Variants in MINK1 observed in about 807,000 individuals in gnomAD.
MINK1 encodes misshapen like kinase 1, also known as misshapen-like kinase 1.
MINK1 carries 46 observed loss-of-function variants against 178.4 expected under a neutral mutation model. That is an observed-to-expected ratio of 0.26 (90% CI 0.20 to 0.33). The LOEUF (loss-of-function observed/expected upper bound fraction) is 0.33. MINK1 is among the 10% of genes least tolerant of loss of function. MINK1 has a pLI of 1.00. For synonymous variants in MINK1, 797 were observed against 709.7 expected, an observed-to-expected ratio of 1.12 and a Z score of -1.96; for missense variants, 1,366 against 1,814.9, an observed-to-expected ratio of 0.75 and a Z score of 4.49.
intron 21 of MINK1, 147 bp from the exon 22 acceptor site, chr17:4,893,841 C>CGGTGGAGCAGGGGCTACACCGTGAG: frequency 1.2e-6 from 1 of 862,932 alleles, no homozygotes; most frequent in Non-Finnish European, 1.7e-6. Context: ...AAGCACCTCA[C>CGGTGGAGCAGGGGCTACACCGTGAG]GGTGGAGCAG....
chr17:4,857,677 C>T (rs529737811), intron 1 of MINK1, among the ~76,000 whole-genome samples: 4 of 151,654 alleles, frequency 2.6e-5, no homozygotes, highest in Non-Finnish European at 5.9e-5. Flanking sequence ...CATGTTGCCC[C>T]GTATGGTCTC....
chr17:4,837,056 G>A (rs1351900525), intron 1 of MINK1, among the ~76,000 whole-genome samples: 5 of 152,002 alleles, frequency 3.3e-5, no homozygotes, highest in East Asian at 1.9e-4. Context: ...GCATGGTGGC[G>A]CACACCTGTA....
Position 4,895,974 on chromosome 17 carries a change from T to C in MINK1, c.3365-29T>C. 6.4e-7 allele frequency: 1 copy of C among 1,574,690 alleles called. No individual in the cohort carries two copies. The highest frequency in any genetic ancestry group is 8.6e-7 in the Non-Finnish European group (1 of 1,160,082). On this transcript the variant is annotated intron_variant, in intron 27 of 31. Coordinates refer to ENST00000355280, the MANE Select transcript of MINK1 (RefSeq NM_153827.5). The surrounding 1 kb of genome is among the most constrained non-coding windows in gnomAD (Gnocchi z 4.3). ...CGCCCGTGGCGCAAGAAGGGAAGTCTCAGCATCCCTCTTCTCTCCCGCCCC... is the reference window on the plus strand; with the variant it reads ...CGCCCGTGGCGCAAGAAGGGAAGTCCCAGCATCCCTCTTCTCTCCCGCCCC...
At chr17:4,840,702 A>G (rs1268384202) in intron 1 of MINK1, among the ~76,000 whole-genome samples, 1 of 152,216 alleles carries the variant, frequency 6.6e-6, no homozygotes, top group Non-Finnish European at 1.5e-5. Context: ...GATAGTGTAT[A>G]TAAATAGACA....
intron 1 of MINK1, among the ~76,000 whole-genome samples, chr17:4,849,481 G>A (rs951530897): frequency 6.6e-6 from 1 of 152,162 alleles, no homozygotes; most frequent in African/African-American, 2.4e-5. Context: ...TGCCTTGCCT[G>A]GAGATTTGAG....
At chr17:4,874,538 A>G (rs1230725304) in intron 1 of MINK1, among the ~76,000 whole-genome samples, 1 of 152,102 alleles carries the variant, frequency 6.6e-6, no homozygotes, top group Non-Finnish European at 1.5e-5. Context: ...AGGAGGGAGG[A>G]CATGAGGGAT....
chr17:4,886,064 G>A lies in MINK1; in HGVS notation c.695-56G>A. On this transcript the variant is annotated intron_variant, in intron 8 of 31. Coordinates refer to ENST00000355280, the MANE Select transcript of MINK1 (RefSeq NM_153827.5). The surrounding 1 kb of genome is among the most constrained non-coding windows in gnomAD (Gnocchi z 6.1). ...GGGTCCTGGGACCCTGCCGAGGAAG[G>A]GTCCTGTAGCTCCCAGTGCAGTGAA... 1.2e-6 allele frequency: 2 copies of A among 1,610,472 alleles called. No homozygotes were observed. The highest frequency in any genetic ancestry group is 1.7e-6 in the Non-Finnish European group (2 of 1,176,784).
intron 1 of MINK1, among the ~76,000 whole-genome samples, chr17:4,848,392 A>C (rs1315179367): frequency 3.3e-5 from 5 of 151,970 alleles, no homozygotes; most frequent in Admixed American, 2.0e-4. Flanking sequence ...ACGGAGTCTC[A>C]CTCTATCGCC....
chr17:4,849,485 AT>A (rs1911589498), intron 1 of MINK1, among the ~76,000 whole-genome samples: 1 of 152,040 alleles, frequency 6.6e-6, no homozygotes, highest in Non-Finnish European at 1.5e-5. Context: ...TTGCCTGGAG[AT>A]TTGAGATTCC....
chr17:4,892,380 C>T (rs1448079741), intron 17 of MINK1, 22 bp from the exon 18 acceptor site: 6 of 1,516,678 alleles, frequency 4.0e-6, no homozygotes, highest in Admixed American at 2.1e-5. Context: ...GCCCCCTCGG[C>T]ACCCCTGTGC....
Position 4,894,499 on chromosome 17 carries a change from G to T in MINK1, c.2809-26G>T, listed in dbSNP as rs767411646. On this transcript the variant is annotated intron_variant, in intron 23 of 31. Coordinates refer to ENST00000355280, the MANE Select transcript of MINK1 (RefSeq NM_153827.5). This position sits in a 1 kb window ranked among gnomAD's most constrained non-coding sequence, Gnocchi z 4.1. The stretch of plus-strand genomic sequence containing the variant: ...GCCGCAGCTGGACTTGCACTTGTTT[G>T]CCTGACTGCTGTCCCCCTACCACAG... 5 of 1,564,796 alleles carry T rather than the reference G, an allele frequency of 3.2e-6. No individual in the cohort carries two copies. Among genetic ancestry groups the T allele is most frequent in the Non-Finnish European group, 4.3e-6 (5 of 1,151,992 alleles).
chr17:4,849,167 G>A lies in MINK1; in HGVS notation c.57+15527G>A, dbSNP rs532421530. 1.6e-4 allele frequency among the ~76,000 whole-genome samples: 24 copies of A among 152,218 alleles called. No homozygotes were observed. In the South Asian group the frequency reaches 4.8e-3, roughly 30 times the overall value. On this transcript the variant is annotated intron_variant, in intron 1 of 31. Coordinates refer to ENST00000355280, the MANE Select transcript of MINK1 (RefSeq NM_153827.5). ...TACCATCTCCTGAAAGTCTTCCAGC[G>A]TCACTGCAAGGAAGAGTAACTTCAA...
chr17:4,895,363 G>A lies in MINK1; in HGVS notation c.3099G>A (p.Leu1033=), dbSNP rs1197252486. ...CTCCTGTTGCAGGGGTCAACCTGCT[G>A]GTGGGCACGGAGAACGGGCTGATGT... The part of the protein sequence containing the change: ...LCAALWGVNL[L]VGTENGLMLL... Residue 1033 remains leucine (L), a synonymous_variant, in exon 26 of 32, where the codon CTG becomes CTA. Transcript: ENST00000355280. The surrounding 1 kb of genome is among the most constrained non-coding windows in gnomAD (Gnocchi z 4.3). The A allele has an allele frequency of 1.9e-6, 3 of 1,606,088 alleles. No homozygotes were observed. The African/African-American group carries it at 4.0e-5, about 21-fold the overall frequency.
At chr17:4,873,900 A>G (rs1966932066) in intron 1 of MINK1, among the ~76,000 whole-genome samples, 1 of 152,014 alleles carries the variant, frequency 6.6e-6, no homozygotes, top group South Asian at 2.1e-4. Flanking sequence ...GATTACAGAC[A>G]TGAGCCATCA....
At chr17:4,837,713 C>G (rs552310597) in intron 1 of MINK1, among the ~76,000 whole-genome samples, 1 of 152,362 alleles carries the variant, frequency 6.6e-6, no homozygotes, top group East Asian at 1.9e-4. Context: ...TTTGGTTGAC[C>G]CACTTCGTAA....
intron 1 of MINK1, among the ~76,000 whole-genome samples, chr17:4,859,897 T>C (rs1913857975): frequency 1.3e-5 from 2 of 148,794 alleles, no homozygotes; most frequent in African/African-American, 4.9e-5. Flanking sequence ...AAGGGTTTCA[T>C]CTACATGCAA....
rs751641979 is a variant in MINK1 at position 4,885,463 on chromosome 17, C to T, written c.509-20C>T. The T allele has an allele frequency of 1.2e-5, 19 of 1,612,802 alleles. No homozygotes were observed. The highest frequency in any genetic ancestry group is 1.7e-5 in the Admixed American group (1 of 59,944). ...CAGAGGTGACTCCCCACACTGACCC[C>T]TCCCTCTGTGTCTTCACAGTGGATT... On this transcript the variant is annotated intron_variant, in intron 6 of 31. Coordinates refer to ENST00000355280, the MANE Select transcript of MINK1 (RefSeq NM_153827.5). This position sits in a 1 kb window ranked among gnomAD's most constrained non-coding sequence, Gnocchi z 5.0.
chr17:4,851,661 C>A (rs1567565619), intron 1 of MINK1, among the ~76,000 whole-genome samples: 1 of 152,062 alleles, frequency 6.6e-6, no homozygotes, highest in African/African-American at 2.4e-5. Flanking sequence ...TATTAGTGTT[C>A]CCGTGTGGTT....
At chr17:4,883,220 T>C (rs1967869834) in intron 4 of MINK1, 1 of 151,524 alleles carries the variant, frequency 6.6e-6, no homozygotes, top group Non-Finnish European at 1.5e-5. Context: ...TTTTTTTTTT[T>C]TTGAGACAGA....
Sources: allele counts gnomAD v4.1 joint callset (sites outside exome capture counted in the v4.1 genomes callset), GRCh38; gene constraint gnomAD v4.1.1; non-coding constraint Gnocchi (gnomAD v3.1); transcripts MANE v1.5; gene names NCBI Gene and HGNC (gene_info 2026-07-23, HGNC 2026-07-21).